Variants in TNKS observed in about 807,000 individuals in gnomAD.
TNKS encodes the protein tankyrase.
In TNKS, 72 loss-of-function variants were observed where a neutral mutation model predicts 135.8. The observed-to-expected ratio is 0.53, with a 90% CI of 0.44 to 0.64. The LOEUF is 0.64. TNKS is among the 30% of genes least tolerant of loss of function. The pLI is 0.00. For synonymous variants in TNKS, 849 were observed against 649.3 expected (o/e 1.31, Z -4.68); for missense variants, 1,769 against 1,674.0 (o/e 1.06, Z -0.99).
intron 11 of TNKS, among the ~76,000 whole-genome samples, chr8:9,711,496 C>G (rs769384872): frequency 6.6e-6 from 1 of 152,146 alleles, no homozygotes; most frequent in Non-Finnish European, 1.5e-5. Context: ...GTGACCCTGA[C>G]AAGGGACACA....
chr8:9,652,446 C>T (rs1156736439), intron 3 of TNKS, among the ~76,000 whole-genome samples: 3 of 152,084 alleles, frequency 2.0e-5, no homozygotes, highest in African/African-American at 7.2e-5. Context: ...AAATCAATTT[C>T]TGTAGCTTCT....
At chr8:9,665,452 T>G (rs1427823652) in intron 3 of TNKS, among the ~76,000 whole-genome samples, 1 of 152,240 alleles carries the variant, frequency 6.6e-6, no homozygotes, top group East Asian at 1.9e-4. Context: ...TTTCCACTTC[T>G]TTTAAGTTAG....
intron 3 of TNKS, among the ~76,000 whole-genome samples, chr8:9,633,666 TG>T (rs1348776453): frequency 6.6e-6 from 1 of 152,222 alleles, no homozygotes; most frequent in Admixed American, 6.5e-5. Context: ...ATGGCTTTTA[TG>T]TTGGGCTGTT....
rs370834915 is a variant in TNKS, at chr8:9,751,852, T to G, written c.3070+6T>G. The G allele has an allele frequency of 5.6e-6, 9 of 1,612,028 alleles. No homozygotes were observed. Among genetic ancestry groups the G allele is most frequent in the Non-Finnish European group, 7.6e-6 (9 of 1,178,322 alleles). Reference sequence around the variant, plus strand: ...AGAAAGGAAGGAAGGAGAAGGTGAGTAGACCCCATGAATGCTTATTTATTT... The same window carrying G: ...AGAAAGGAAGGAAGGAGAAGGTGAGGAGACCCCATGAATGCTTATTTATTT... On this transcript the variant is annotated splice_donor_region_variant and intron_variant, in intron 19 of 26. Transcript: ENST00000310430.
chr8:9,692,050 T>C (rs1276053021), intron 5 of TNKS, among the ~76,000 whole-genome samples: 1 of 152,196 alleles, frequency 6.6e-6, no homozygotes, highest in Non-Finnish European at 1.5e-5. Flanking sequence ...CTGATTCTTG[T>C]TGTCCCCCCT....
intron 5 of TNKS, among the ~76,000 whole-genome samples, chr8:9,695,406 G>T (rs775382231): frequency 6.6e-6 from 1 of 152,088 alleles, no homozygotes; most frequent in African/African-American, 2.4e-5. Flanking sequence ...ACTGATAATT[G>T]TGGCATTTGA....
At chr8:9,759,751 G>C (rs1325615005) in intron 20 of TNKS, among the ~76,000 whole-genome samples, 1 of 152,106 alleles carries the variant, frequency 6.6e-6, no homozygotes, top group Admixed American at 6.5e-5. Flanking sequence ...AAGACGGGCA[G>C]ATCACGAGGT....
intron 12 of TNKS, among the ~76,000 whole-genome samples, chr8:9,721,875 A>G (rs1352200806): frequency 1.3e-5 from 2 of 151,966 alleles, no homozygotes; most frequent in African/African-American, 4.8e-5. Flanking sequence ...AACATGGTGA[A>G]ACCCCCATCT....
rs187190402 is a variant in TNKS at position 9,778,283 on chromosome 8, G to A, written c.*1547G>A. On this transcript the variant is annotated 3_prime_UTR_variant, in exon 27 of 27. Coordinates refer to ENST00000310430, the MANE Select transcript of TNKS (RefSeq NM_003747.3). Reference sequence around the variant, plus strand: ...GCGAAAGAAATATAAACACGAGGAGGAATAGGAAAGACAGTGTGACACAAA... The same window carrying A: ...GCGAAAGAAATATAAACACGAGGAGAAATAGGAAAGACAGTGTGACACAAA... 1.9e-4 allele frequency: 29 copies of A among 152,380 alleles called. No individual in the cohort carries two copies. In the East Asian group the frequency reaches 5.2e-3, roughly 27 times the overall value. 9.4% of individuals were successfully genotyped at this position (152,380 alleles called of 1,614,324 possible).
intron 2 of TNKS, among the ~76,000 whole-genome samples, chr8:9,596,790 T>C (rs567377312): frequency 1.3e-5 from 2 of 152,226 alleles, no homozygotes; most frequent in African/African-American, 4.8e-5. Context: ...GTTTTGCCTG[T>C]TTATGACACA....
intron 13 of TNKS, among the ~76,000 whole-genome samples, chr8:9,727,125 A>G (rs992118066): frequency 1.1e-4 from 17 of 152,156 alleles, no homozygotes; most frequent in African/African-American, 3.9e-4. Flanking sequence ...TTGAAAGAAT[A>G]TTTCTTGATC....
chr8:9,619,920 A>C (rs1799802133), intron 3 of TNKS, among the ~76,000 whole-genome samples: 1 of 151,604 alleles, frequency 6.6e-6, no homozygotes, highest in Non-Finnish European at 1.5e-5. Context: ...GATTTTGCTG[A>C]AACCAAAATT....
At chr8:9,636,739 C>G (rs544298886) in intron 3 of TNKS, among the ~76,000 whole-genome samples, 1 of 152,254 alleles carries the variant, frequency 6.6e-6, no homozygotes, top group South Asian at 2.1e-4. Context: ...CCTAATTGGT[C>G]AAGAGTGCTT....
chr8:9,741,216 C>T (rs1339491799), intron 17 of TNKS: 4 of 153,026 alleles, frequency 2.6e-5, no homozygotes, highest in African/African-American at 9.6e-5. Context: ...TGGTTTTCTA[C>T]TAATCCTTTT....
intron 17 of TNKS, among the ~76,000 whole-genome samples, chr8:9,740,235 A>G (rs1323920354): frequency 6.6e-6 from 1 of 152,192 alleles, no homozygotes; most frequent in African/African-American, 2.4e-5. Context: ...ATGAATGCTC[A>G]TGTGCTTGAC....
intron 2 of TNKS, among the ~76,000 whole-genome samples, chr8:9,613,488 A>C (rs148197902): frequency 2.6e-5 from 4 of 152,286 alleles, no homozygotes; most frequent in Non-Finnish European, 4.4e-5. Context: ...CTGAGTTTTT[A>C]ATTTTTAATT....
At chr8:9,722,822 C>G (rs974871461) in intron 12 of TNKS, among the ~76,000 whole-genome samples, 5 of 152,024 alleles carry the variant, frequency 3.3e-5, no homozygotes, top group Non-Finnish European at 7.4e-5. Flanking sequence ...ATGTGCATAG[C>G]TTTTAGAGAT....
intron 13 of TNKS, among the ~76,000 whole-genome samples, chr8:9,730,161 A>C (rs1237958598): frequency 1.3e-5 from 2 of 152,124 alleles, no homozygotes; most frequent in East Asian, 1.9e-4. Flanking sequence ...CATTCCTTCC[A>C]TGGCATCCTG....
chr8:9,747,500 A>G (rs944813939), intron 17 of TNKS, among the ~76,000 whole-genome samples: 1 of 152,210 alleles, frequency 6.6e-6, no homozygotes, highest in East Asian at 1.9e-4. Flanking sequence ...CAATTTTCAT[A>G]AAATGTTATG....
Sources: allele counts gnomAD v4.1 joint callset (sites outside exome capture counted in the v4.1 genomes callset), GRCh38; gene constraint gnomAD v4.1.1; transcripts MANE v1.5; gene names NCBI Gene and HGNC (gene_info 2026-07-23, HGNC 2026-07-21).